The following TOX2 variants were observed in gnomAD, a reference collection of about 807,000 sequenced individuals.
TOX2 encodes granulosa cell HMG box 1.
In TOX2, 15 loss-of-function variants were observed where a neutral mutation model predicts 47.4. The observed-to-expected ratio is 0.32, with a 90% CI of 0.21 to 0.49. The LOEUF is 0.49. TOX2 is among the 20% of genes least tolerant of loss of function. The probability of loss-of-function intolerance (pLI) is 0.99; values close to 1 mark genes in which losing one functional copy is unlikely to be tolerated. For missense variants in TOX2, 622 were observed against 673.1 expected, an observed-to-expected ratio of 0.92 and a Z score of 0.84; for synonymous variants, 290 against 296.6, an observed-to-expected ratio of 0.98 and a Z score of 0.23.
At chr20:44,032,860 T>C (rs896116215) in intron 3 of TOX2, among the ~76,000 whole-genome samples, 2 of 152,142 alleles carry the variant, frequency 1.3e-5, no homozygotes, top group Admixed American at 6.5e-5. Context: ...TTTCTCTGCT[T>C]CTCTGCCGGC....
At chr20:43,973,191 C>A (rs1425263690) in intron 1 of TOX2, among the ~76,000 whole-genome samples, 176 bp from the exon 2 acceptor site, 1 of 152,240 alleles carries the variant, frequency 6.6e-6, no homozygotes, top group Non-Finnish European at 1.5e-5. Context: ...GCTGCTCCTT[C>A]CACCCTAGAG....
intron 2 of TOX2, among the ~76,000 whole-genome samples, chr20:43,978,799 A>C (rs1003145394): frequency 6.4e-4 from 77 of 120,060 alleles, no homozygotes; most frequent in African/African-American, 2.3e-3. Flanking sequence ...GTGTGTGTGT[A>C]TTAGAGTCAG....
At chr20:43,923,643 C>T (rs11697738) in intron 1 of TOX2, among the ~76,000 whole-genome samples, 20,934 of 152,174 alleles carry the variant, frequency 0.14, 2,348 homozygotes, top group African/African-American at 0.31. Flanking sequence ...CATGGAGCCC[C>T]GGTGTGGACA....
intron 1 of TOX2, among the ~76,000 whole-genome samples, chr20:43,932,781 C>CA (rs1329918508): frequency 7.1e-5 from 10 of 140,342 alleles, no homozygotes; most frequent in East Asian, 5.1e-4. Flanking sequence ...GCTGCCCCCC[C>CA]CCGCCATTTC....
At chr20:44,037,599 G>C (rs1485369930) in intron 3 of TOX2, among the ~76,000 whole-genome samples, 1 of 152,136 alleles carries the variant, frequency 6.6e-6, no homozygotes, top group Non-Finnish European at 1.5e-5. Context: ...TGATAAGAGT[G>C]CTTCCATCAA....
intron 3 of TOX2, among the ~76,000 whole-genome samples, chr20:44,011,466 G>A (rs2070777338): frequency 6.6e-6 from 1 of 152,208 alleles, no homozygotes; most frequent in African/African-American, 2.4e-5. Flanking sequence ...CCCCTTAGAT[G>A]TGGGGTTATC....
At chr20:44,066,969 G>A (rs1303399850) in intron 8 of TOX2, 112 bp downstream of exon 8, 4 of 1,441,402 alleles carry the variant, frequency 2.8e-6, no homozygotes, top group African/African-American at 2.8e-5. Flanking sequence ...GGACCCTGCA[G>A]TCACTGTCAG....
At chr20:43,951,997 A>C (rs570654242) in intron 1 of TOX2, among the ~76,000 whole-genome samples, 2 of 151,760 alleles carry the variant, frequency 1.3e-5, no homozygotes, top group African/African-American at 4.8e-5. Context: ...CCTGGGTTCA[A>C]GTGATTCTCC....
chr20:44,068,585 T>A, intron 8 of TOX2, 65 bp from the exon 9 acceptor site: 1 of 1,551,454 alleles, frequency 6.4e-7, no homozygotes, highest in East Asian at 2.3e-5. Flanking sequence ...AGTGCAGGGG[T>A]CCTGGTGCTC....
At chr20:43,958,792 C>G (rs2069710104) in intron 1 of TOX2, among the ~76,000 whole-genome samples, 1 of 152,254 alleles carries the variant, frequency 6.6e-6, no homozygotes, top group Admixed American at 6.5e-5. Flanking sequence ...TGGACATGCT[C>G]TTGCCAATAA....
intron 6 of TOX2, 89 bp downstream of exon 6, chr20:44,064,946 G>A: frequency 8.2e-7 from 1 of 1,226,644 alleles, no homozygotes; most frequent in Non-Finnish European, 1.2e-6. Flanking sequence ...GGAAGGGCCG[G>A]CACCCCAGGT....
At chr20:43,950,171 C>A (rs1412010533) in intron 1 of TOX2, among the ~76,000 whole-genome samples, 2 of 152,132 alleles carry the variant, frequency 1.3e-5, no homozygotes, top group Non-Finnish European at 2.9e-5. Flanking sequence ...AGAGCAAACT[C>A]AACAATGCAT....
chr20:44,039,331 G>T (rs2071295375), intron 3 of TOX2: 1 of 1,285,628 alleles, frequency 7.8e-7, no homozygotes, highest in Admixed American at 2.3e-5. Context: ...AGGTCAGGAG[G>T]AGAGAGATTG....
chr20:43,917,796 A>T (rs2206731), intron 1 of TOX2, among the ~76,000 whole-genome samples: 64,182 of 152,056 alleles, frequency 0.42, 13,851 homozygotes, highest in African/African-American at 0.49. Context: ...ATTTTATTAA[A>T]CACAATATTA....
chr20:44,028,991 G>A (rs187883287), intron 3 of TOX2, among the ~76,000 whole-genome samples: 2 of 152,166 alleles, frequency 1.3e-5, no homozygotes, highest in African/African-American at 4.8e-5. Context: ...CACCACTCTG[G>A]ACCCCCAGTG....
chr20:43,992,115 T>C (rs1473619973), intron 2 of TOX2, among the ~76,000 whole-genome samples: 1 of 150,756 alleles, frequency 6.6e-6, no homozygotes, highest in East Asian at 1.9e-4. Context: ...GGCGAGGGAG[T>C]TGAGATCTGG....
At chr20:44,058,494 C>T (rs113647042) in intron 5 of TOX2, among the ~76,000 whole-genome samples, 9,977 of 152,288 alleles carry the variant, frequency 0.066, 446 homozygotes, top group African/African-American at 0.14. Flanking sequence ...TCCATGGCCC[C>T]GCCCACCACC....
At chr20:44,038,221 C>A (rs966106594) in intron 3 of TOX2, among the ~76,000 whole-genome samples, 2 of 151,972 alleles carry the variant, frequency 1.3e-5, no homozygotes, top group Non-Finnish European at 2.9e-5. Context: ...CATAGAGAGA[C>A]CCTGTATCTA....
chr20:44,039,317 G>A, intron 3 of TOX2: 29 of 1,288,284 alleles, frequency 2.3e-5, no homozygotes, highest in Non-Finnish European at 2.8e-5. Flanking sequence ...GGAAGGGGCT[G>A]GAGAGGTCAG....
Sources: allele counts gnomAD v4.1 joint callset (sites outside exome capture counted in the v4.1 genomes callset), GRCh38; gene constraint gnomAD v4.1.1; transcripts MANE v1.5; gene names NCBI Gene and HGNC (gene_info 2026-07-23, HGNC 2026-07-21).